Variants in DOCK4 observed in about 807,000 individuals in gnomAD.
The protein encoded by DOCK4 is dedicator of cytokinesis 4.
Under a neutral mutation model 268.1 loss-of-function variants are expected in DOCK4, and 97 were observed. The observed-to-expected ratio is 0.36, with a 90% CI of 0.31 to 0.43. The LOEUF (loss-of-function observed/expected upper bound fraction) is 0.43, where lower values mean the gene tolerates loss of function less well. Ranked by LOEUF, DOCK4 falls within the 20% of genes least tolerant of loss-of-function variation. The probability of loss-of-function intolerance (pLI) is 1.00; values close to 1 mark genes in which losing one functional copy is unlikely to be tolerated. For missense variants in DOCK4, 2,145 were observed against 2,455.7 expected, an observed-to-expected ratio of 0.87 and a Z score of 2.67; for synonymous variants, 954 against 887.2, an observed-to-expected ratio of 1.08 and a Z score of -1.34.
intron 1 of DOCK4, among the ~76,000 whole-genome samples, chr7:112,009,977 T>C (rs990727255): frequency 6.6e-6 from 1 of 152,052 alleles, no homozygotes; most frequent in African/African-American, 2.4e-5. Flanking sequence ...CCACCACACC[T>C]GGCTAATGTT....
At chr7:111,755,483 G>C (rs1387826239) in intron 42 of DOCK4, 32 bp downstream of exon 42, 1 of 1,602,164 alleles carries the variant, frequency 6.2e-7, no homozygotes, top group Non-Finnish European at 8.6e-7. Context: ...ACTGTGATGA[G>C]AAAGTGCTTG....
At chr7:111,818,783 A>G (rs1367958766) in intron 27 of DOCK4, among the ~76,000 whole-genome samples, 1 of 151,932 alleles carries the variant, frequency 6.6e-6, no homozygotes, top group Non-Finnish European at 1.5e-5. Context: ...TGCCACATTT[A>G]CTCTGGCCAC....
chr7:112,131,034 A>T (rs1378423304), intron 1 of DOCK4, among the ~76,000 whole-genome samples: 1 of 152,228 alleles, frequency 6.6e-6, no homozygotes, highest in Non-Finnish European at 1.5e-5. Flanking sequence ...GGAGGCTGAT[A>T]ATAGTGAAAA....
intron 1 of DOCK4, among the ~76,000 whole-genome samples, chr7:112,160,551 A>AAGTATCTTAATCTATTT (rs1817018578): frequency 6.6e-6 from 1 of 152,174 alleles, no homozygotes; most frequent in South Asian, 2.1e-4. Context: ...AATCTCTGGA[A>AAGTATCTTAATCTATTT]AGTATCTTAA....
chr7:112,034,379 T>A (rs1169079843), intron 1 of DOCK4, among the ~76,000 whole-genome samples: 1 of 152,068 alleles, frequency 6.6e-6, no homozygotes, highest in Non-Finnish European at 1.5e-5. Context: ...GCCCCACACA[T>A]GGTAATGAGG....
intron 1 of DOCK4, among the ~76,000 whole-genome samples, chr7:112,066,398 G>A (rs1435520236): frequency 1.3e-5 from 2 of 151,624 alleles, no homozygotes; most frequent in East Asian, 3.9e-4. Context: ...TGGTTTTCCA[G>A]CTTGCAGATG....
At chr7:111,738,490 G>C (rs983466334) in intron 49 of DOCK4, among the ~76,000 whole-genome samples, 4 of 152,214 alleles carry the variant, frequency 2.6e-5, no homozygotes, top group Non-Finnish European at 4.4e-5. Context: ...CCAGACTTCT[G>C]TTACATACAC....
rs149945602 is a variant in DOCK4 at position 111,732,302 on chromosome 7, A to G, written c.5420-15T>C. The G allele has an allele frequency of 6.2e-7, 1 of 1,613,676 alleles. No individual in the cohort carries two copies. Among genetic ancestry groups the G allele is most frequent in the East Asian group, 2.2e-5 (1 of 44,884 alleles). On this transcript the variant is annotated splice_polypyrimidine_tract_variant and intron_variant, in intron 51 of 52. Coordinates refer to ENST00000428084, the MANE Select transcript of DOCK4 (RefSeq NM_001363540.2). ...TGCTGGTGAAGCTGTCAATGGGGAG[A>G]GAGATAACATTTCAATTAAGAAAAA...
intron 12 of DOCK4, among the ~76,000 whole-genome samples, chr7:111,928,366 T>C (rs989949558): frequency 5.9e-5 from 9 of 152,174 alleles, no homozygotes; most frequent in African/African-American, 1.9e-4. Flanking sequence ...CATAGCTCAT[T>C]TAGAAAATGA....
intron 30 of DOCK4, among the ~76,000 whole-genome samples, chr7:111,795,777 G>A (rs939287275): frequency 6.6e-6 from 1 of 152,188 alleles, no homozygotes; most frequent in Non-Finnish European, 1.5e-5. Flanking sequence ...ATGGTGATAA[G>A]GAAGAGATGG....
chr7:112,038,140 G>C (rs1484486907), intron 1 of DOCK4, among the ~76,000 whole-genome samples: 1 of 152,198 alleles, frequency 6.6e-6, no homozygotes, highest in East Asian at 1.9e-4. Context: ...TATTTGAAGA[G>C]GCTGATATTT....
Position 111,958,081 on chromosome 7 carries a change from C to T in DOCK4, c.702-12283G>A, listed in dbSNP as rs556469324. ...GAGTACTCTCTCTTCTTAATAAGCA[C>T]ATCCCCACTGCAGTGGAAAGATGAT... On this transcript the variant is annotated intron_variant, in intron 8 of 52. Transcript: ENST00000428084. Among the ~76,000 whole-genome samples the T allele has an allele frequency of 3.3e-5, 5 of 152,302 alleles. No individual in the cohort carries two copies. The South Asian group carries it at 1.0e-3, about 32-fold the overall frequency.
intron 6 of DOCK4, 150 bp downstream of exon 6, chr7:111,988,865 A>T: frequency 8.7e-7 from 1 of 1,149,770 alleles, no homozygotes; most frequent in Non-Finnish European, 1.2e-6. Flanking sequence ...CGGCTCTATC[A>T]ATGCCAGTTC....
At chr7:112,072,656 C>T (rs1807700410) in intron 1 of DOCK4, among the ~76,000 whole-genome samples, 1 of 152,152 alleles carries the variant, frequency 6.6e-6, no homozygotes, top group African/African-American at 2.4e-5. Flanking sequence ...AGGTGATGGT[C>T]AGGAGGTTGT....
At chr7:111,977,378 C>G in intron 7 of DOCK4, 95 bp from the exon 8 acceptor site, 1 of 1,337,310 alleles carries the variant, frequency 7.5e-7, no homozygotes, top group Non-Finnish European at 9.9e-7. Context: ...ACTGTGATGT[C>G]CTACGCCATA....
intron 35 of DOCK4, among the ~76,000 whole-genome samples, chr7:111,780,378 A>G (rs910534780): frequency 3.3e-5 from 5 of 152,232 alleles, no homozygotes; most frequent in African/African-American, 4.8e-5. Flanking sequence ...TATAACCAAA[A>G]TCATTTTAAT....
At chr7:111,808,177 C>T (rs1124185) in intron 30 of DOCK4, 1 of 152,044 alleles carries the variant, frequency 6.6e-6, no homozygotes, top group African/African-American at 2.4e-5. Flanking sequence ...AATGAAATAA[C>T]TTATAAATCT....
intron 16 of DOCK4, among the ~76,000 whole-genome samples, chr7:111,892,825 G>A (rs1211293011): frequency 6.6e-6 from 1 of 152,160 alleles, no homozygotes; most frequent in East Asian, 1.9e-4. Context: ...TGTTGGCTCA[G>A]TAGTATGAGA....
In DOCK4 at chr7:112,099,064, C is replaced by A. The variant is rs535546730; in HGVS notation, c.38-94933G>T. Among the ~76,000 whole-genome samples the A allele has an allele frequency of 2.0e-5, 3 of 152,008 alleles. No individual in the cohort carries two copies. In the South Asian group the frequency reaches 6.2e-4, roughly 32 times the overall value. On this transcript the variant is annotated intron_variant, in intron 1 of 52. Coordinates refer to ENST00000428084, the MANE Select transcript of DOCK4 (RefSeq NM_001363540.2). ...CAGCACTTTGGGAGGCCTAGGTGGG[C>A]GGATGGCTTGAGCCCAGGAGTTTGA...
Sources: allele counts gnomAD v4.1 joint callset (sites outside exome capture counted in the v4.1 genomes callset), GRCh38; gene constraint gnomAD v4.1.1; transcripts MANE v1.5; gene names NCBI Gene and HGNC (gene_info 2026-07-23, HGNC 2026-07-21).